Variants in RIMKLB observed in about 807,000 individuals in gnomAD.
RIMKLB encodes beta-citrylglutamate synthase B.
RIMKLB carries 7 observed loss-of-function variants against 32.0 expected under a neutral mutation model. The observed-to-expected ratio is 0.22, with a 90% CI of 0.12 to 0.41. RIMKLB has a LOEUF of 0.41. Ranked by LOEUF, RIMKLB falls within the 10% of genes least tolerant of loss-of-function variation. The pLI is 1.00. For synonymous variants in RIMKLB, 172 were observed against 185.1 expected, an observed-to-expected ratio of 0.93 and a Z score of 0.57; for missense variants, 289 against 498.7, an observed-to-expected ratio of 0.58 and a Z score of 4.00.
intron 1 of RIMKLB, among the ~76,000 whole-genome samples, chr12:8,702,201 G>A (rs147604458): frequency 1.1e-4 from 17 of 152,278 alleles, no homozygotes; most frequent in African/African-American, 3.4e-4. Flanking sequence ...GAATAAAATG[G>A]TTGTCGGTTC....
At chr12:8,753,320 T>G (rs1252563426) in intron 4 of RIMKLB, among the ~76,000 whole-genome samples, 1 of 152,160 alleles carries the variant, frequency 6.6e-6, no homozygotes, top group African/African-American at 2.4e-5. Flanking sequence ...TCACAAGCCC[T>G]CCTAGATTCA....
intron 1 of RIMKLB, among the ~76,000 whole-genome samples, chr12:8,698,524 G>A (rs1943066615): frequency 6.6e-6 from 1 of 152,108 alleles, no homozygotes; most frequent in Non-Finnish European, 1.5e-5. Context: ...GCGTGTGCCG[G>A]GAGGCGCCGG....
chr12:8,780,081 T>G (rs745880139), downstream of RIMKLB: 9 of 152,360 alleles, frequency 5.9e-5, no homozygotes, highest in South Asian at 2.1e-4. Context: ...CATTGGGCAA[T>G]AAGCAGTCCA....
At chr12:8,674,429 T>C in the RIMKLB span, among the ~76,000 whole-genome samples, 3 of 151,658 alleles carry the variant, frequency 2.0e-5, no homozygotes, top group Non-Finnish European at 4.4e-5. Flanking sequence ...TTAGTAGAGA[T>C]GGGGTTTCAC....
intron 1 of RIMKLB, among the ~76,000 whole-genome samples, chr12:8,686,993 G>A (rs1215517225): frequency 6.6e-6 from 1 of 152,074 alleles, no homozygotes; most frequent in Non-Finnish European, 1.5e-5. Flanking sequence ...TGTCTGTGGT[G>A]GGGTAAGAAT....
intron 2 of RIMKLB, among the ~76,000 whole-genome samples, chr12:8,733,187 A>G (rs1946704794): frequency 6.6e-6 from 1 of 152,154 alleles, no homozygotes; most frequent in Admixed American, 6.5e-5. Flanking sequence ...ATGCTGCTAA[A>G]TATCTCGTAA....
At chr12:8,742,254 A>G (rs150972713) in intron 2 of RIMKLB, among the ~76,000 whole-genome samples, 1 of 152,026 alleles carries the variant, frequency 6.6e-6, no homozygotes, top group African/African-American at 2.4e-5. Context: ...TTAATCATCA[A>G]TAGTTTTAGC....
At position 8,775,000 on chromosome 12, in the gene RIMKLB, TGA is replaced by T. The variant is rs1305487667; in HGVS notation, c.*1218_*1219del. The T allele has an allele frequency of 1.0e-6, 1 of 985,592 alleles. No individual in the cohort carries two copies. The highest frequency in any genetic ancestry group is 1.7e-5 in the African/African-American group (1 of 57,234). The allele number at this position is 985,592 out of a possible 1,614,324, so 61.1% of individuals were successfully genotyped here. A position where few individuals can be genotyped will look rare whatever the true frequency, so the allele number is the denominator to read the frequency against. On this transcript the variant is annotated 3_prime_UTR_variant, in exon 6 of 6. Transcript: ENST00000535829. ...AGAGTTTTTGACTTTAAAAAACAGA[TGA>T]GTTGTTTTCATAAGTAGACTCCACT...
intron 5 of RIMKLB, among the ~76,000 whole-genome samples, chr12:8,764,055 T>C (rs1949746614): frequency 6.6e-6 from 1 of 152,114 alleles, no homozygotes; most frequent in Non-Finnish European, 1.5e-5. Flanking sequence ...AATCCTGAGA[T>C]CTTGCACTAA....
upstream of RIMKLB, among the ~76,000 whole-genome samples, chr12:8,681,140 TG>T (rs1178336827): frequency 6.6e-6 from 1 of 152,056 alleles, no homozygotes; most frequent in Non-Finnish European, 1.5e-5. Context: ...TTTGTAGAGA[TG>T]GGGTTTCACC....
chr12:8,761,762 A>G (rs1949542971), intron 5 of RIMKLB, among the ~76,000 whole-genome samples: 1 of 152,154 alleles, frequency 6.6e-6, no homozygotes, highest in African/African-American at 2.4e-5. Context: ...CTCAACAGGA[A>G]AACCCAAGTG....
At chr12:8,768,282 C>G (rs1950135362) in intron 5 of RIMKLB, among the ~76,000 whole-genome samples, 1 of 152,308 alleles carries the variant, frequency 6.6e-6, no homozygotes, top group Middle Eastern at 3.4e-3. Flanking sequence ...AGAGGACATC[C>G]TGCTGGATCT....
At chr12:8,672,948 C>T in the RIMKLB span, among the ~76,000 whole-genome samples, 1 of 152,210 alleles carries the variant, frequency 6.6e-6, no homozygotes, top group African/African-American at 2.4e-5. Context: ...GTGGTGCCAT[C>T]TTGACTCACT....
chr12:8,718,653 C>CTATA (rs369394381), intron 2 of RIMKLB, among the ~76,000 whole-genome samples: 3 of 138,368 alleles, frequency 2.2e-5, no homozygotes, highest in African/African-American at 8.7e-5. Flanking sequence ...CTCTCTCTCT[C>CTATA]TATATATATA....
rs183380468 is a variant in RIMKLB, at chr12:8,776,921, G to A, written c.*3137G>A. On this transcript the variant is annotated 3_prime_UTR_variant, in exon 6 of 6. Transcript: ENST00000535829. ...TGGAGAAGCAAATTTGTTTCATTCA[G>A]TGAATCCCCAGTTTGGGGCTTGTGG... 1.0e-6 allele frequency: 1 copy of A among 985,826 alleles called. No individual in the cohort carries two copies. The highest frequency in any genetic ancestry group is 1.7e-5 in the African/African-American group (1 of 57,352). The allele number at this position is 985,826 out of a possible 1,614,324, so 61.1% of individuals were successfully genotyped here. A position where few individuals can be genotyped will look rare whatever the true frequency, so the allele number is the denominator to read the frequency against.
At chr12:8,744,943 C>G (rs1161899925) in intron 2 of RIMKLB, among the ~76,000 whole-genome samples, 1 of 151,724 alleles carries the variant, frequency 6.6e-6, no homozygotes, top group South Asian at 2.1e-4. Flanking sequence ...TTTGCTGCAC[C>G]CATCAACTGG....
chr12:8,714,550 A>G (rs1364754235), intron 2 of RIMKLB, among the ~76,000 whole-genome samples: 1 of 152,220 alleles, frequency 6.6e-6, no homozygotes, highest in East Asian at 1.9e-4. Flanking sequence ...AAAACACTAT[A>G]CATGTAATAT....
intron 5 of RIMKLB, among the ~76,000 whole-genome samples, chr12:8,764,790 G>A (rs999498619): frequency 2.0e-5 from 3 of 151,988 alleles, no homozygotes; most frequent in African/African-American, 4.8e-5. Context: ...TGGACGAGGG[G>A]GCGGCTTATT....
At chr12:8,754,922 C>T (rs12819888) in intron 5 of RIMKLB, among the ~76,000 whole-genome samples, 14,636 of 151,940 alleles carry the variant, frequency 0.096, 1,033 homozygotes, top group South Asian at 0.2. Flanking sequence ...CCTAAGTAGC[C>T]GAGACCACAG....
Sources: allele counts gnomAD v4.1 joint callset (sites outside exome capture counted in the v4.1 genomes callset), GRCh38; gene constraint gnomAD v4.1.1; transcripts MANE v1.5; gene names NCBI Gene and HGNC (gene_info 2026-07-23, HGNC 2026-07-21).